Variants in MIDEAS observed in about 807,000 individuals in gnomAD.
MIDEAS encodes mitotic deacetylase associated SANT domain protein.
In MIDEAS, 26 loss-of-function variants were observed where a neutral mutation model predicts 102.7. That is an observed-to-expected ratio of 0.25 (90% confidence interval 0.19 to 0.35). MIDEAS has a LOEUF of 0.35. Among genes scored for constraint, MIDEAS ranks in the 10% least tolerant of loss-of-function variants. The pLI, the probability that MIDEAS is intolerant of heterozygous loss-of-function variation, is 1.00. For synonymous variants in MIDEAS, 585 were observed against 591.0 expected (o/e 0.99, Z 0.15); for missense variants, 1,231 against 1,435.6 (o/e 0.86, Z 2.30).
At chr14:73,749,312 T>TCA (rs2053392468) in intron 1 of MIDEAS, among the ~76,000 whole-genome samples, 1 of 136,298 alleles carries the variant, frequency 7.3e-6, no homozygotes, top group Non-Finnish European at 1.5e-5. Context: ...GCCAGGAGGA[T>TCA]CACTTGAGCC....
intron 1 of MIDEAS, among the ~76,000 whole-genome samples, chr14:73,743,465 G>C (rs2140131276): frequency 6.6e-6 from 1 of 152,232 alleles, no homozygotes; most frequent in Admixed American, 6.5e-5. Flanking sequence ...GGACTCTCCA[G>C]CTCCTGCAAC....
At chr14:73,726,577 C>A in intron 7 of MIDEAS, 27 bp downstream of exon 7, 1 of 1,607,934 alleles carries the variant, frequency 6.2e-7, no homozygotes, top group South Asian at 1.1e-5. Context: ...CTGAGGGGCC[C>A]TCCCTCTGCT....
chr14:73,725,888 GC>G lies in MIDEAS; in HGVS notation c.2485+144del. 1.4e-6 allele frequency: 1 copy of G among 696,262 alleles called. No homozygotes were observed. The highest frequency in any genetic ancestry group is 2.5e-6 in the Non-Finnish European group (1 of 406,080). 43.1% of individuals were successfully genotyped at this position (696,262 alleles called of 1,614,324 possible). A position where few individuals can be genotyped will look rare whatever the true frequency, so the allele number is the denominator to read the frequency against. On this transcript the variant is annotated intron_variant, in intron 8 of 12. Coordinates refer to ENST00000423556, the MANE Select transcript of MIDEAS (RefSeq NM_001367710.1). This position sits in a 1 kb window ranked among gnomAD's most constrained non-coding sequence, Gnocchi z 4.1. ...CTGGAGAGCTACCCCAGCTTTGGTG[GC>G]AGTTCCCTCACTCTGACTCTTGGCT...
chr14:73,761,900 G>A (rs748203183), upstream of MIDEAS, among the ~76,000 whole-genome samples: 11 of 152,178 alleles, frequency 7.2e-5, no homozygotes, highest in Non-Finnish European at 1.6e-4. Flanking sequence ...CCAGAGGAAG[G>A]CAGTGAGCAA....
chr14:73,749,577 T>C (rs2053396653), intron 1 of MIDEAS, among the ~76,000 whole-genome samples: 2 of 147,428 alleles, frequency 1.4e-5, no homozygotes, highest in African/African-American at 2.5e-5. Context: ...TATTATATAA[T>C]ATAATATATA....
In MIDEAS at chr14:73,755,211, G is replaced by A. The variant is rs115166253; in HGVS notation, c.-248+4552C>T. Among the ~76,000 whole-genome samples, 3 of 152,190 alleles carry A rather than the reference G, an allele frequency of 2.0e-5. No individual in the cohort carries two copies. The East Asian group carries it at 5.8e-4, about 29-fold the overall frequency. On this transcript the variant is annotated intron_variant, in intron 1 of 12. Coordinates refer to ENST00000423556, the MANE Select transcript of MIDEAS (RefSeq NM_001367710.1). ...TGTGTTCCAGGAAGAGCAACAGCAA[G>A]GGCGGCTGCCAGGGAAGCCTCAGCC...
Position 73,717,744 on chromosome 14 carries a change from G to A in MIDEAS, c.*1099C>T, listed in dbSNP as rs1196641196. The A allele has an allele frequency of 6.6e-6, 1 of 152,638 alleles. No individual in the cohort carries two copies. Among genetic ancestry groups the A allele is most frequent in the African/African-American group, 2.4e-5 (1 of 41,460 alleles). The allele number at this position is 152,638 out of a possible 1,614,324, so 9.5% of individuals were successfully genotyped here. A position where few individuals can be genotyped will look rare whatever the true frequency, so the allele number is the denominator to read the frequency against. On this transcript the variant is annotated 3_prime_UTR_variant, in exon 13 of 13. Transcript: ENST00000423556. Reference sequence around the variant, plus strand: ...ATTAAATACTAAGAATAAATAAATAGCTCCCAAATGACACGAGTCAAGGAA... The same window carrying A: ...ATTAAATACTAAGAATAAATAAATAACTCCCAAATGACACGAGTCAAGGAA...
chr14:73,730,453 A>G (rs1317298975), intron 3 of MIDEAS, among the ~76,000 whole-genome samples: 5 of 152,142 alleles, frequency 3.3e-5, no homozygotes, highest in Admixed American at 2.6e-4. Context: ...AAATTACTCA[A>G]TCTTTCCGTG....
chr14:73,786,152 A>G lies in MIDEAS; in HGVS notation c.-248+950T>C, dbSNP rs764041944. On this transcript the variant is annotated intron_variant, in intron 1 of 11. Transcript: ENST00000394071. ...TCGGACGCACTTTCCTGCACACACC[A>G]ACGTGTCCCCGCCGCCGCCGCTACA... Among the ~76,000 whole-genome samples the G allele has an allele frequency of 1.0e-3, 156 of 152,222 alleles. 2 individuals carry two copies. The Middle Eastern group carries it at 0.014, about 13-fold the overall frequency.
At chr14:73,737,424 G>A (rs1238452793) in intron 2 of MIDEAS, 127 bp from the exon 3 acceptor site, 2 of 1,070,600 alleles carry the variant, frequency 1.9e-6, no homozygotes, top group Non-Finnish European at 2.7e-6. Flanking sequence ...ACAAGTTCAA[G>A]ACCAGCCTGG....
rs146990967 is a variant in MIDEAS at position 73,739,046 on chromosome 14, C to T, written c.963G>A (p.Leu321=). ...FPPNPDMNPE[L]RKALLQDSAP... ...CTGAGTCCTGCAGAAGGGCCTTGCG[C>T]AGTTCTGGGTTCATATCTGGGTTGG... The change falls in exon 2 of 13, where the codon CTG becomes CTA. Residue 321 remains leucine, a synonymous_variant. Coordinates refer to ENST00000423556, the MANE Select transcript of MIDEAS (RefSeq NM_001367710.1). 5 of 1,557,282 alleles carry T rather than the reference C, an allele frequency of 3.2e-6. No individual in the cohort carries two copies. Among genetic ancestry groups the T allele is most frequent in the East Asian group, 2.3e-5 (1 of 44,324 alleles).
Position 73,726,596 on chromosome 14 carries a change from C to T in MIDEAS, c.2409+8G>A. 6.2e-7 allele frequency: 1 copy of T among 1,613,786 alleles called. No individual in the cohort carries two copies. The highest frequency in any genetic ancestry group is 2.2e-5 in the East Asian group (1 of 44,890). On this transcript the variant is annotated splice_region_variant and intron_variant, in intron 7 of 12. Transcript: ENST00000423556. ...GGGGCCCTCCCTCTGCTGGGGTTGC[C>T]TTCTCACCAGGATGTCTCCTCTGGA...
chr14:73,788,288 A>C (rs1193923565), upstream of MIDEAS, among the ~76,000 whole-genome samples: 3 of 152,206 alleles, frequency 2.0e-5, no homozygotes, highest in African/African-American at 7.2e-5. Context: ...AGGGCTCAAC[A>C]ATTTTCCTTT....
At chr14:73,730,040 A>C (rs768199211) in intron 3 of MIDEAS, 55 bp from the exon 4 acceptor site, 2 of 1,561,930 alleles carry the variant, frequency 1.3e-6, no homozygotes, top group African/African-American at 2.7e-5. Context: ...CAGAGAAAGT[A>C]AAGTCTTAAC....
rs151017559 is a variant in MIDEAS at position 73,733,939 on chromosome 14, C to T, written c.1749+3059G>A. Among the ~76,000 whole-genome samples the T allele has an allele frequency of 4.6e-3, 704 of 151,652 alleles. 4 individuals carry two copies. The highest frequency in any genetic ancestry group is 0.016 in the African/African-American group (665 of 41,298). ...TGAACTACTGGCCTTGTGATCCACC[C>T]GCCTTGGCCTTCCAAAGTGCTGAGA... On this transcript the variant is annotated intron_variant, in intron 3 of 12. Transcript: ENST00000423556.
At chr14:73,757,742 T>C (rs964545125) in intron 1 of MIDEAS, among the ~76,000 whole-genome samples, 1 of 152,224 alleles carries the variant, frequency 6.6e-6, no homozygotes, top group South Asian at 2.1e-4. Flanking sequence ...GGGCAGCCTT[T>C]CTCTGGGGAC....
chr14:73,741,167 A>G (rs2053276730), intron 1 of MIDEAS, among the ~76,000 whole-genome samples: 1 of 152,298 alleles, frequency 6.6e-6, no homozygotes, highest in South Asian at 2.1e-4. Flanking sequence ...GAGGGTGCAG[A>G]TTGCTAGAAC....
chr14:73,771,631 CA>C (rs1165586606), intron 1 of MIDEAS, among the ~76,000 whole-genome samples: 1 of 152,226 alleles, frequency 6.6e-6, no homozygotes, highest in Non-Finnish European at 1.5e-5. Context: ...AGAAGGTGCT[CA>C]GAAGACAGTC....
intron 1 of MIDEAS, among the ~76,000 whole-genome samples, chr14:73,773,223 C>A (rs2053658033): frequency 6.6e-6 from 1 of 151,934 alleles, no homozygotes; most frequent in African/African-American, 2.4e-5. Context: ...CAACACCTGT[C>A]AATCCTACCA....
Sources: allele counts gnomAD v4.1 joint callset (sites outside exome capture counted in the v4.1 genomes callset), GRCh38; gene constraint gnomAD v4.1.1; non-coding constraint Gnocchi (gnomAD v3.1); transcripts MANE v1.5; gene names NCBI Gene and HGNC (gene_info 2026-07-23, HGNC 2026-07-21).